The following S100A5 variants were observed in gnomAD, a reference collection of about 807,000 sequenced individuals.
S100A5 encodes protein S100-A5.
S100A5 carries 5 observed loss-of-function variants against 6.7 expected under a neutral mutation model. That is an observed-to-expected ratio of 0.75 (90% CI 0.39 to 1.57). The LOEUF (loss-of-function observed/expected upper bound fraction) is 1.57, where lower values mean the gene tolerates loss of function less well. S100A5 is among the 40% of genes most tolerant of loss of function. The pLI, the probability that S100A5 is intolerant of heterozygous loss-of-function variation, is 0.03. For synonymous variants in S100A5, 49 were observed against 44.9 expected, an observed-to-expected ratio of 1.09 and a Z score of -0.37; for missense variants, 129 against 110.8, an observed-to-expected ratio of 1.16 and a Z score of -0.74.
At chr1:153,538,147 C>A (rs1249412565) in intron 2 of S100A5, among the ~76,000 whole-genome samples, 2 of 152,248 alleles carry the variant, frequency 1.3e-5, no homozygotes, top group East Asian at 3.9e-4. Flanking sequence ...GAGAATAACC[C>A]CGGACAAAAT....
intron 2 of S100A5, among the ~76,000 whole-genome samples, chr1:153,537,881 C>T (rs377106513): frequency 6.6e-6 from 1 of 152,082 alleles, no homozygotes; most frequent in Admixed American, 6.5e-5. Context: ...AACCCTGTCT[C>T]TACTGAAAAT....
chr1:153,540,268 C>T (rs75153952), intron 1 of S100A5, 63 bp from the exon 2 acceptor site: 4 of 1,538,440 alleles, frequency 2.6e-6, no homozygotes, highest in African/African-American at 2.7e-5. Context: ...ACTAGCCTAC[C>T]TCTGAGGCCC....
chr1:153,541,393 G>A, upstream of S100A5: 1 of 1,367,732 alleles, frequency 7.3e-7, no homozygotes, highest in Non-Finnish European at 9.8e-7. Context: ...ACCACTGTGG[G>A]AGTGAGCCCA....
chr1:153,540,202 A>C lies in S100A5; in HGVS notation c.-11T>G. The C allele has an allele frequency of 6.2e-7, 1 of 1,614,090 alleles. No individual in the cohort carries two copies. Among genetic ancestry groups the C allele is most frequent in the South Asian group, 1.1e-5 (1 of 91,074 alleles). On this transcript the variant is annotated 5_prime_UTR_variant, in exon 2 of 3. Coordinates refer to ENST00000368717, the MANE Select transcript of S100A5 (RefSeq NM_001394232.1). ...CAGAGGAGTCTCCATCACAGTGTGC[A>C]GCTCTGTAGAGGGAGAGGGGAAGAT... is the stretch of plus-strand genomic sequence containing the variant.
Position 153,537,558 on chromosome 1 carries a change from T to G in S100A5, c.139-122A>C, listed in dbSNP as rs1393898822. On this transcript the variant is annotated intron_variant, in intron 2 of 2. Transcript: ENST00000368717. Reference sequence around the variant, plus strand: ...TGAGCCCCAGCTGAGTCAATGACACTGTCAGCATCTCGACCCCCAGAGTCT... The same window carrying G: ...TGAGCCCCAGCTGAGTCAATGACACGGTCAGCATCTCGACCCCCAGAGTCT... The G allele has an allele frequency of 5.7e-6, 7 of 1,229,518 alleles. No individual in the cohort carries two copies. In the African/African-American group the frequency reaches 1.0e-4, roughly 18 times the overall value. The allele number at this position is 1,229,518 out of a possible 1,614,324, so 76.2% of individuals were successfully genotyped here. A position where few individuals can be genotyped will look rare whatever the true frequency, so the allele number is the denominator to read the frequency against.
rs1665219424 is a variant in S100A5, at chr1:153,537,437, CT to C, written c.139-2del. On this transcript the variant is annotated splice_acceptor_variant, in intron 2 of 2. Coordinates refer to ENST00000368717, the MANE Select transcript of S100A5 (RefSeq NM_001394232.1). LOFTEE classifies it high-confidence loss of function. The stretch of plus-strand genomic sequence containing the variant: ...AGTCATCGATGCTGCTCTCCTTCAT[CT>C]TTTGTGGACCCAGGTGGAGAGACAG... 6.2e-7 allele frequency: 1 copy of C among 1,614,054 alleles called. No homozygotes were observed. The highest frequency in any genetic ancestry group is 1.3e-5 in the African/African-American group (1 of 75,050).
upstream of S100A5, chr1:153,543,266 G>A: frequency 1.3e-5 from 13 of 985,304 alleles, no homozygotes; most frequent in Non-Finnish European, 1.6e-5. Flanking sequence ...CTCCATTCCA[G>A]ACCCCAACCA....
chr1:153,542,130 G>A (rs1321926566), upstream of S100A5, among the ~76,000 whole-genome samples: 1 of 152,162 alleles, frequency 6.6e-6, no homozygotes, highest in Admixed American at 6.5e-5. Context: ...TCAGGCTGCA[G>A]TCAAGGAGGA....
upstream of S100A5, chr1:153,541,392 G>C (rs1442856638): frequency 2.2e-6 from 3 of 1,367,616 alleles, no homozygotes; most frequent in Non-Finnish European, 2.9e-6. Context: ...TACCACTGTG[G>C]GAGTGAGCCC....
In S100A5 at chr1:153,539,450, AATATATATAT is replaced by A. The variant is rs1173862697; in HGVS notation, c.138+594_138+603del. On this transcript the variant is annotated intron_variant, in intron 2 of 2. Coordinates refer to ENST00000368717, the MANE Select transcript of S100A5 (RefSeq NM_001394232.1). ...AAAAAAAAAAAAAAAAAAAAAAAAA[AATATATATAT>A]ATATATATATATATATTTATTTATT... Among the ~76,000 whole-genome samples the A allele has an allele frequency of 3.3e-3, 103 of 31,192 alleles. 1 individual carries two copies. Among genetic ancestry groups the A allele is most frequent in the African/African-American group, 0.011 (100 of 8,988 alleles). 20.5% of individuals were successfully genotyped at this position (31,192 alleles called of 152,430 possible).
chr1:153,543,524 A>T (rs375169306), upstream of S100A5: 149 of 522,120 alleles, frequency 2.9e-4, 2 homozygotes, highest in South Asian at 3.8e-3. Flanking sequence ...CTGTCCATAA[A>T]ACTTCAGCTC....
At chr1:153,539,286 G>T (rs1400569509) in intron 2 of S100A5, among the ~76,000 whole-genome samples, 1 of 150,970 alleles carries the variant, frequency 6.6e-6, no homozygotes, top group African/African-American at 2.4e-5. Context: ...AATTAGCTGG[G>T]CGTGATGGTG....
At chr1:153,539,944 C>T (rs1265211046) in intron 2 of S100A5, 110 bp downstream of exon 2, 2 of 1,329,368 alleles carry the variant, frequency 1.5e-6, no homozygotes, top group Non-Finnish European at 2.1e-6. Context: ...TGTCTGTAGC[C>T]CTTGGCCACC....
chr1:153,540,429 A>G (rs1048584749), intron 1 of S100A5, among the ~76,000 whole-genome samples, 192 bp downstream of exon 1: 5 of 152,220 alleles, frequency 3.3e-5, no homozygotes, highest in Admixed American at 2.6e-4. Flanking sequence ...AAAGGAGACC[A>G]CAGACTCTCC....
At chr1:153,541,322 C>T (rs368310962), upstream of S100A5, 2 of 1,302,342 alleles carry the variant, frequency 1.5e-6, no homozygotes. Context: ...ACTTGTCACC[C>T]TCATCATCCA....
Position 153,540,121 on chromosome 1 carries a change from C to A in S100A5, c.71G>T (p.Gly24Val). Reference sequence around the variant, plus strand: ...CTTCCTACTCAGGGTCAGTTTGCTACCCTCTCTCCCCGAATATTTGTGAAA... The same window carrying A: ...CTTCCTACTCAGGGTCAGTTTGCTAACCTCTCTCCCCGAATATTTGTGAAA... ...TTFHKYSGREGSKLTLSRKEL... is the reference protein window; with the variant it reads ...TTFHKYSGREVSKLTLSRKEL... Residue 24 changes from glycine (G) to valine (V), a missense_variant, in exon 2 of 3, where the codon GGT (glycine) becomes GTT (valine). Transcript: ENST00000368717. The A allele has an allele frequency of 6.2e-7, 1 of 1,614,166 alleles. No homozygotes were observed.
intron 2 of S100A5, among the ~76,000 whole-genome samples, chr1:153,539,450 A>AAAAAATAT (rs1553214691): frequency 3.2e-5 from 1 of 31,192 alleles, no homozygotes; most frequent in African/African-American, 1.1e-4. Context: ...AAAAAAAAAA[A>AAAAAATAT]ATATATATAT....
At chr1:153,541,154 G>C (rs1665372231), upstream of S100A5, among the ~76,000 whole-genome samples, 2 of 152,190 alleles carry the variant, frequency 1.3e-5, no homozygotes, top group Non-Finnish European at 2.9e-5. Context: ...CACAGTTGAA[G>C]GCAAGGGACT....
upstream of S100A5, chr1:153,541,383 A>G (rs1665382618): frequency 7.3e-7 from 1 of 1,367,560 alleles, no homozygotes; most frequent in Non-Finnish European, 9.8e-7. Context: ...GGAAGGACTT[A>G]CCACTGTGGG....
Sources: gnomAD v4.1 joint callset for allele counts (sites outside exome capture counted in the v4.1 genomes callset) on GRCh38, gnomAD v4.1.1 for gene constraint, MANE v1.5 for transcripts, NCBI Gene and HGNC (gene_info 2026-07-23, HGNC 2026-07-21) for gene names.